Variants in FAF1 observed in about 807,000 individuals in gnomAD.
FAF1 encodes the protein Fas associated factor 1.
FAF1 carries 25 observed loss-of-function variants against 92.5 expected under a neutral mutation model. The ratio of observed to expected loss-of-function variants is 0.27; its 90% CI spans 0.20 to 0.38. The LOEUF (loss-of-function observed/expected upper bound fraction) is 0.38. Among genes scored for constraint, FAF1 ranks in the 10% least tolerant of loss-of-function variants. FAF1 has a pLI of 1.00. For missense variants in FAF1, 636 were observed against 793.3 expected, an observed-to-expected ratio of 0.80 and a Z score of 2.38; for synonymous variants, 234 against 273.2, an observed-to-expected ratio of 0.86 and a Z score of 1.42.
intron 7 of FAF1, among the ~76,000 whole-genome samples, chr1:50,671,336 T>C (rs1037972088): frequency 2.7e-5 from 4 of 149,612 alleles, no homozygotes; most frequent in Non-Finnish European, 5.9e-5. Flanking sequence ...AACCGGGAGG[T>C]GGAGGTTACA....
At chr1:50,551,097 T>C (rs1649290230) in intron 13 of FAF1, among the ~76,000 whole-genome samples, 1 of 152,246 alleles carries the variant, frequency 6.6e-6, no homozygotes, top group Non-Finnish European at 1.5e-5. Context: ...CTACTTTTAA[T>C]TGGTTTTCAT....
At chr1:50,573,817 C>CAAAAA in intron 12 of FAF1, among the ~76,000 whole-genome samples, 1 of 132,014 alleles carries the variant, frequency 7.6e-6, no homozygotes, top group East Asian at 2.5e-4. Context: ...GGGTTAAAAA[C>CAAAAA]AAAAAAAAAA....
At chr1:50,517,006 T>C (rs1647242661) in intron 15 of FAF1, among the ~76,000 whole-genome samples, 1 of 152,214 alleles carries the variant, frequency 6.6e-6, no homozygotes, top group Admixed American at 6.5e-5. Context: ...ATATCATTAT[T>C]CTAGTATATC....
chr1:50,507,974 G>T (rs1291825823), intron 15 of FAF1, among the ~76,000 whole-genome samples: 1 of 152,120 alleles, frequency 6.6e-6, no homozygotes, highest in Non-Finnish European at 1.5e-5. Flanking sequence ...TATATTAATG[G>T]CTAAGGACAT....
At chr1:50,490,481 G>GGAAAAAGAAA in intron 17 of FAF1, 107 bp downstream of exon 17, 1 of 626,252 alleles carries the variant, frequency 1.6e-6, no homozygotes. Context: ...AAGGAAGGAA[G>GGAAAAAGAAA]GAAGGAAGGA....
At chr1:50,732,188 C>T (rs1440628420) in intron 6 of FAF1, among the ~76,000 whole-genome samples, 2 of 152,120 alleles carry the variant, frequency 1.3e-5, no homozygotes, top group Non-Finnish European at 2.9e-5. Flanking sequence ...CATTCTCCCA[C>T]CTCAGCCTCC....
intron 4 of FAF1, among the ~76,000 whole-genome samples, chr1:50,787,453 TGAG>T (rs1288946975): frequency 4.6e-5 from 7 of 152,202 alleles, no homozygotes; most frequent in African/African-American, 1.4e-4. Context: ...TTCTGTCATG[TGAG>T]GACACAATGT....
chr1:50,627,620 G>T (rs528925354), intron 8 of FAF1, among the ~76,000 whole-genome samples: 1 of 152,002 alleles, frequency 6.6e-6, no homozygotes, highest in Non-Finnish European at 1.5e-5. Context: ...AGTACATACC[G>T]CATGATTCAT....
At chr1:50,622,408 C>A (rs983103636) in intron 8 of FAF1, among the ~76,000 whole-genome samples, 1 of 152,068 alleles carries the variant, frequency 6.6e-6, no homozygotes, top group Non-Finnish European at 1.5e-5. Flanking sequence ...ATCTCCTCAC[C>A]AGCCACTCTT....
At chr1:50,532,846 C>A (rs906485237) in intron 15 of FAF1, among the ~76,000 whole-genome samples, 2 of 152,104 alleles carry the variant, frequency 1.3e-5, no homozygotes, top group African/African-American at 4.8e-5. Context: ...GGGTCTCACT[C>A]TGTCACCCAG....
intron 7 of FAF1, among the ~76,000 whole-genome samples, chr1:50,670,217 G>A (rs1420855082): frequency 6.6e-6 from 1 of 151,848 alleles, no homozygotes; most frequent in Non-Finnish European, 1.5e-5. Flanking sequence ...GATAGGGGAG[G>A]GACAGAGTAT....
chr1:50,626,143 G>A (rs570200391), intron 8 of FAF1, among the ~76,000 whole-genome samples: 1 of 152,194 alleles, frequency 6.6e-6, no homozygotes, highest in Admixed American at 6.5e-5. Flanking sequence ...CTTAAATTTT[G>A]TTATTGTGTT....
intron 7 of FAF1, among the ~76,000 whole-genome samples, chr1:50,658,612 ATCAAAG>A (rs1296123779): frequency 3.9e-5 from 6 of 152,224 alleles, no homozygotes; most frequent in South Asian, 2.1e-4. Context: ...AACAAAAGTG[ATCAAAG>A]TCAGAGTAAT....
rs112616951 is a variant in FAF1, at chr1:50,588,336, C to T, written c.841-3525G>A. Reference sequence around the variant, plus strand: ...ATTTTAAACTATTTGTCAGGCAATTCGTGTATCTCTAATTCTTTAGGGTCA... The same window carrying T: ...ATTTTAAACTATTTGTCAGGCAATTTGTGTATCTCTAATTCTTTAGGGTCA... On this transcript the variant is annotated intron_variant, in intron 9 of 18. Transcript: ENST00000396153. Among the ~76,000 whole-genome samples the T allele has an allele frequency of 6.5e-3, 988 of 152,262 alleles. 11 individuals carry two copies. The highest frequency in any genetic ancestry group is 0.047 in the South Asian group (228 of 4,820).
chr1:50,839,172 G>A lies in FAF1; in HGVS notation c.114+18757C>T, dbSNP rs192696921. On this transcript the variant is annotated intron_variant, in intron 2 of 18. Transcript: ENST00000396153. ...ATGACTGCATATTTTGTTGGCAACT[G>A]TGCAAGAAAAGCAGAAAAAAAAAGG... 2.2e-3 allele frequency among the ~76,000 whole-genome samples: 341 copies of A among 151,882 alleles called. 3 individuals are homozygous for A. Among genetic ancestry groups the A allele is most frequent in the South Asian group, 0.015 (70 of 4,818 alleles).
At chr1:50,446,460 C>T (rs946106603) in intron 18 of FAF1, among the ~76,000 whole-genome samples, 1 of 152,204 alleles carries the variant, frequency 6.6e-6, no homozygotes, top group Non-Finnish European at 1.5e-5. Context: ...GATGCTCAAC[C>T]AGTAGGTAAA....
At chr1:50,561,647 G>A (rs1056660095) in intron 13 of FAF1, among the ~76,000 whole-genome samples, 2 of 152,120 alleles carry the variant, frequency 1.3e-5, no homozygotes, top group African/African-American at 4.8e-5. Flanking sequence ...CCAATATGGT[G>A]AAACCCCATC....
chr1:50,623,597 G>C (rs566698951), intron 8 of FAF1, among the ~76,000 whole-genome samples: 2 of 150,240 alleles, frequency 1.3e-5, no homozygotes, highest in Admixed American at 1.3e-4. Context: ...AAGAAAGAAA[G>C]AAAAGAAAAA....
intron 15 of FAF1, among the ~76,000 whole-genome samples, chr1:50,527,186 A>G (rs1230853080): frequency 6.6e-6 from 1 of 152,150 alleles, no homozygotes; most frequent in Non-Finnish European, 1.5e-5. Flanking sequence ...TACAAATTGT[A>G]GCAGGTATGA....
Sources: allele counts gnomAD v4.1 joint callset (sites outside exome capture counted in the v4.1 genomes callset), GRCh38; gene constraint gnomAD v4.1.1; transcripts MANE v1.5; gene names NCBI Gene and HGNC (gene_info 2026-07-23, HGNC 2026-07-21).